PKIG: variants seen among roughly 807,000 people sequenced by gnomAD.
The protein encoded by PKIG is protein kinase (cAMP-dependent, catalytic) inhibitor gamma.
A neutral mutation model predicts 6.8 loss-of-function variants in PKIG; 1 was observed. That is an observed-to-expected ratio of 0.15 (90% CI 0.05 to 0.69). PKIG has a LOEUF of 0.69. Among genes scored for constraint, PKIG ranks in the 30% least tolerant of loss-of-function variants. The probability of loss-of-function intolerance (pLI) is 0.82; values close to 1 mark genes in which losing one functional copy is unlikely to be tolerated. For synonymous variants in PKIG, 39 were observed against 43.0 expected (o/e 0.91, Z 0.36); for missense variants, 77 against 104.0 (o/e 0.74, Z 1.13).
At chr20:44,561,424 A>G (rs541847724) in intron 1 of PKIG, among the ~76,000 whole-genome samples, 1 of 152,328 alleles carries the variant, frequency 6.6e-6, no homozygotes, top group East Asian at 1.9e-4. Flanking sequence ...CAAAACATAT[A>G]ATAATCAAAA....
chr20:44,540,960 T>C (rs80062974), intron 1 of PKIG, among the ~76,000 whole-genome samples: 2,775 of 152,232 alleles, frequency 0.018, 89 homozygotes, highest in African/African-American at 0.064. Flanking sequence ...ATTAAAGGAA[T>C]GTAGGGCCTC....
chr20:44,580,053 A>G (rs1182417790), upstream of PKIG, among the ~76,000 whole-genome samples: 1 of 152,188 alleles, frequency 6.6e-6, no homozygotes, highest in Non-Finnish European at 1.5e-5. Flanking sequence ...TGACTTCCCG[A>G]CCAATCTCTG....
intron 1 of PKIG, among the ~76,000 whole-genome samples, chr20:44,540,733 A>G (rs2064554050): frequency 6.6e-6 from 1 of 151,678 alleles, no homozygotes; most frequent in Non-Finnish European, 1.5e-5. Flanking sequence ...GCCCACCACC[A>G]TACCCGGCTA....
At chr20:44,602,553 C>T (rs542035547) in intron 2 of PKIG, among the ~76,000 whole-genome samples, 2 of 151,734 alleles carry the variant, frequency 1.3e-5, no homozygotes, top group Non-Finnish European at 1.5e-5. Context: ...GACTTGGAGG[C>T]CAGGTGCGGT....
chr20:44,579,827 C>T (rs1316197624), upstream of PKIG, among the ~76,000 whole-genome samples: 4 of 152,120 alleles, frequency 2.6e-5, no homozygotes, highest in African/African-American at 9.7e-5. Context: ...TATTTTTGTT[C>T]AAGTAACAAA....
intron 2 of PKIG, among the ~76,000 whole-genome samples, chr20:44,599,681 C>T (rs899622029): frequency 2.6e-5 from 4 of 151,996 alleles, no homozygotes; most frequent in Admixed American, 6.6e-5. Context: ...AAGATCGCGC[C>T]GCTGCACTCC....
At chr20:44,593,613 A>G (rs541163933) in intron 2 of PKIG, among the ~76,000 whole-genome samples, 43 of 152,258 alleles carry the variant, frequency 2.8e-4, no homozygotes, top group Middle Eastern at 3.4e-3. Flanking sequence ...GTTGTTGGGG[A>G]AATGGAGAGA....
chr20:44,592,123 A>G (rs2065038735), intron 2 of PKIG, among the ~76,000 whole-genome samples: 1 of 152,232 alleles, frequency 6.6e-6, no homozygotes, highest in Non-Finnish European at 1.5e-5. Context: ...CATCCTTCTC[A>G]GCCTCATTTA....
chr20:44,532,835 G>A (rs1307009241), intron 1 of PKIG, among the ~76,000 whole-genome samples: 1 of 152,176 alleles, frequency 6.6e-6, no homozygotes, highest in South Asian at 2.1e-4. Flanking sequence ...GAGAAAGTAG[G>A]TAGAGAAAAG....
intron 1 of PKIG, among the ~76,000 whole-genome samples, chr20:44,544,308 T>A (rs187982741): frequency 3.4e-4 from 51 of 147,932 alleles, no homozygotes; most frequent in Middle Eastern, 3.5e-3. Flanking sequence ...GTTAGGAAAA[T>A]TTTTTTTTTT....
At chr20:44,536,229 G>T (rs1488177924) in intron 1 of PKIG, among the ~76,000 whole-genome samples, 1 of 152,164 alleles carries the variant, frequency 6.6e-6, no homozygotes, top group African/African-American at 2.4e-5. Context: ...ACTTTGAGTT[G>T]CTTCCATCTT....
intron 1 of PKIG, among the ~76,000 whole-genome samples, chr20:44,587,233 G>T (rs907799494): frequency 7.2e-5 from 11 of 152,332 alleles, no homozygotes; most frequent in Admixed American, 7.2e-4. Context: ...TACTGCAAAA[G>T]AAATATGCAC....
At chr20:44,564,290 A>C (rs1193324513) in intron 1 of PKIG, 1 of 152,176 alleles carries the variant, frequency 6.6e-6, no homozygotes, top group Non-Finnish European at 1.5e-5. Context: ...TTTTCACCCA[A>C]AGGAATTGGA....
At chr20:44,580,410 A>G (rs904886915), upstream of PKIG, among the ~76,000 whole-genome samples, 6 of 151,986 alleles carry the variant, frequency 3.9e-5, no homozygotes, top group East Asian at 3.9e-4. Flanking sequence ...CAGTGGTGCA[A>G]TCTCGGCTCA....
intron 1 of PKIG, among the ~76,000 whole-genome samples, chr20:44,532,862 C>A (rs1006099537): frequency 1.3e-5 from 2 of 152,074 alleles, no homozygotes; most frequent in Admixed American, 1.3e-4. Flanking sequence ...GGAGAGAGTG[C>A]AGACTTCTTG....
At chr20:44,573,757 G>T (rs900737978) in intron 1 of PKIG, among the ~76,000 whole-genome samples, 1 of 152,166 alleles carries the variant, frequency 6.6e-6, no homozygotes, top group Non-Finnish European at 1.5e-5. Context: ...AATAACATAT[G>T]TAAAGCACTG....
intron 2 of PKIG, among the ~76,000 whole-genome samples, chr20:44,610,250 A>G (rs1013575927): frequency 6.6e-6 from 1 of 152,158 alleles, no homozygotes; most frequent in African/African-American, 2.4e-5. Context: ...GCCCCAAGAA[A>G]GGCAGGGTCT....
chr20:44,592,924 C>T (rs1256047936), intron 2 of PKIG, among the ~76,000 whole-genome samples: 1 of 152,194 alleles, frequency 6.6e-6, no homozygotes, highest in Non-Finnish European at 1.5e-5. Context: ...ATTCCAGTGG[C>T]ATTGCTTACA....
chr20:44,554,076 A>T (rs3092699), intron 1 of PKIG, among the ~76,000 whole-genome samples: 11,015 of 147,728 alleles, frequency 0.075, 427 homozygotes, highest in South Asian at 0.12. Flanking sequence ...TTAAAAAAAA[A>T]TTTTTTTTTT....
Sources: allele counts gnomAD v4.1 joint callset (sites outside exome capture counted in the v4.1 genomes callset), GRCh38; gene constraint gnomAD v4.1.1; transcripts MANE v1.5; gene names NCBI Gene and HGNC (gene_info 2026-07-23, HGNC 2026-07-21).